The following UNC5D variants were observed in gnomAD, a reference collection of about 807,000 sequenced individuals.
The protein encoded by UNC5D is unc-5 netrin receptor D, also known as netrin receptor UNC5D.
In UNC5D, 39 loss-of-function variants were observed where a neutral mutation model predicts 105.4. The ratio of observed to expected loss-of-function variants is 0.37; its 90% CI spans 0.29 to 0.48. The LOEUF (loss-of-function observed/expected upper bound fraction) is 0.48, where lower values mean the gene tolerates loss of function less well. UNC5D is among the 20% of genes least tolerant of loss of function. UNC5D has a pLI of 0.98. For synonymous variants in UNC5D, 452 were observed against 450.4 expected (o/e 1.00, Z -0.04); for missense variants, 991 against 1,202.4 (o/e 0.82, Z 2.60).
intron 1 of UNC5D, among the ~76,000 whole-genome samples, chr8:35,248,696 TA>T (rs1245706547): frequency 1.0e-5 from 1 of 97,264 alleles, no homozygotes; most frequent in Non-Finnish European, 1.7e-5. Context: ...ATAAAATATA[TA>T]AAAATATATA....
At chr8:35,248,746 A>T (rs1429537564) in intron 1 of UNC5D, among the ~76,000 whole-genome samples, 1 of 98,262 alleles carries the variant, frequency 1.0e-5, no homozygotes, top group Non-Finnish European at 1.7e-5. Context: ...ATATATATAA[A>T]ATATATAAAT....
rs1453202333 is a variant in UNC5D, at chr8:35,748,510, T to A, written c.1767-17T>A. The A allele has an allele frequency of 6.2e-7, 1 of 1,607,180 alleles. No individual in the cohort carries two copies. The highest frequency in any genetic ancestry group is 1.7e-5 in the Admixed American group (1 of 58,720). ...CTCTACATACTTCTCTCTTCTATCCTTTTTTCAACTGTGAAGCCTCCAGTC... is the reference window on the plus strand; with the variant it reads ...CTCTACATACTTCTCTCTTCTATCCATTTTTCAACTGTGAAGCCTCCAGTC... On this transcript the variant is annotated splice_polypyrimidine_tract_variant and intron_variant, in intron 11 of 16. Coordinates refer to ENST00000404895, the MANE Select transcript of UNC5D (RefSeq NM_080872.4).
At chr8:35,747,985 A>T (rs78224086) in intron 11 of UNC5D, among the ~76,000 whole-genome samples, 70 of 152,336 alleles carry the variant, frequency 4.6e-4, no homozygotes, top group African/African-American at 1.6e-3. Context: ...GTATTTGTTC[A>T]TTGGCAAAAA....
intron 4 of UNC5D, among the ~76,000 whole-genome samples, chr8:35,607,019 C>T (rs1157533564): frequency 6.6e-6 from 1 of 152,202 alleles, no homozygotes; most frequent in Admixed American, 6.5e-5. Flanking sequence ...CTGTTTCTTG[C>T]CCCAGCACCC....
chr8:35,742,424 C>T (rs1829809813), intron 11 of UNC5D, among the ~76,000 whole-genome samples: 1 of 152,156 alleles, frequency 6.6e-6, no homozygotes, highest in South Asian at 2.1e-4. Context: ...TTCCATCTAT[C>T]AGCCTTGATG....
chr8:35,754,959 A>G (rs1345848109), intron 13 of UNC5D, among the ~76,000 whole-genome samples: 1 of 152,202 alleles, frequency 6.6e-6, no homozygotes, highest in Non-Finnish European at 1.5e-5. Flanking sequence ...GGTAGGTGAG[A>G]AAAGAATAAG....
chr8:35,766,801 T>TGTC (rs1801788306), intron 14 of UNC5D, 101 bp from the exon 15 acceptor site: 25 of 1,314,314 alleles, frequency 1.9e-5, no homozygotes, highest in Non-Finnish European at 2.3e-5. Context: ...TCGTTGTTGT[T>TGTC]GTCGTCATCA....
At chr8:35,244,070 G>A (rs568327115) in intron 1 of UNC5D, among the ~76,000 whole-genome samples, 9 of 152,258 alleles carry the variant, frequency 5.9e-5, no homozygotes, top group East Asian at 5.8e-4. Flanking sequence ...CCTATTATGC[G>A]TGGCTGTTTA....
At chr8:35,585,505 ATATAT>A (rs1818729674) in intron 3 of UNC5D, among the ~76,000 whole-genome samples, 2 of 150,984 alleles carry the variant, frequency 1.3e-5, no homozygotes, top group Non-Finnish European at 2.9e-5. Context: ...CATATATATA[ATATAT>A]TATTGCAACC....
intron 1 of UNC5D, among the ~76,000 whole-genome samples, chr8:35,510,937 C>G (rs1305887450): frequency 6.6e-6 from 1 of 152,142 alleles, no homozygotes; most frequent in Non-Finnish European, 1.5e-5. Context: ...CTAATTTGGA[C>G]TAATTGAGGG....
intron 4 of UNC5D, among the ~76,000 whole-genome samples, chr8:35,643,354 A>G (rs1228157054): frequency 6.6e-6 from 1 of 151,974 alleles, no homozygotes; most frequent in Non-Finnish European, 1.5e-5. Flanking sequence ...CTGTTTTAAA[A>G]GCTCTGCAAT....
At chr8:35,321,237 C>T (rs970953474) in intron 1 of UNC5D, among the ~76,000 whole-genome samples, 15 of 152,170 alleles carry the variant, frequency 9.9e-5, no homozygotes, top group African/African-American at 3.4e-4. Context: ...ACAGCTTGTT[C>T]TGTAAGCTCA....
intron 10 of UNC5D, 127 bp from the exon 11 acceptor site, chr8:35,730,885 G>A: frequency 2.7e-6 from 2 of 749,706 alleles, no homozygotes; most frequent in Non-Finnish European, 4.3e-6. Flanking sequence ...ACTTTCCAAG[G>A]ATTGAGATTT....
intron 3 of UNC5D, among the ~76,000 whole-genome samples, chr8:35,589,461 G>A (rs948617665): frequency 2.0e-5 from 3 of 147,030 alleles, no homozygotes; most frequent in African/African-American, 7.6e-5. Context: ...CCATATGAAT[G>A]AATTCTTTTT....
intron 8 of UNC5D, among the ~76,000 whole-genome samples, chr8:35,708,261 G>A (rs1273769866): frequency 6.6e-6 from 1 of 152,134 alleles, no homozygotes; most frequent in Non-Finnish European, 1.5e-5. Context: ...AGAAAGTGAA[G>A]TCTTAAGATA....
chr8:35,303,125 T>C (rs1808083831), intron 1 of UNC5D, among the ~76,000 whole-genome samples: 2 of 152,140 alleles, frequency 1.3e-5, no homozygotes, highest in Admixed American at 1.3e-4. Flanking sequence ...TTTTTCTTTT[T>C]TTAATATACT....
intron 4 of UNC5D, among the ~76,000 whole-genome samples, chr8:35,660,956 G>C (rs1001958953): frequency 6.6e-6 from 1 of 151,944 alleles, no homozygotes; most frequent in African/African-American, 2.4e-5. Flanking sequence ...AAACTAGCTG[G>C]GCATGGTGGC....
chr8:35,304,952 T>A (rs1808228594), intron 1 of UNC5D, among the ~76,000 whole-genome samples: 1 of 152,032 alleles, frequency 6.6e-6, no homozygotes, highest in African/African-American at 2.4e-5. Context: ...GTTATTATAT[T>A]CATTTATATT....
chr8:35,456,022 A>C (rs935415102), intron 1 of UNC5D, among the ~76,000 whole-genome samples: 3 of 152,160 alleles, frequency 2.0e-5, no homozygotes, highest in African/African-American at 7.2e-5. Context: ...TACAAAACAA[A>C]CAGATGTATA....
Sources: allele counts gnomAD v4.1 joint callset (sites outside exome capture counted in the v4.1 genomes callset), GRCh38; gene constraint gnomAD v4.1.1; transcripts MANE v1.5; gene names NCBI Gene and HGNC (gene_info 2026-07-23, HGNC 2026-07-21).